Variants in AKAP9 observed in about 807,000 individuals in gnomAD.
AKAP9 encodes A-kinase anchoring protein 9.
Under a neutral mutation model 488.5 loss-of-function variants are expected in AKAP9, and 311 were observed. That is an observed-to-expected ratio of 0.64 (90% confidence interval 0.58 to 0.70). The LOEUF (loss-of-function observed/expected upper bound fraction) is 0.70, where lower values mean the gene tolerates loss of function less well. Ranked by LOEUF, AKAP9 falls within the 30% of genes least tolerant of loss-of-function variation. AKAP9 has a pLI of 0.00. For synonymous variants in AKAP9, 1,462 were observed against 1,483.5 expected (o/e 0.99, Z 0.33); for missense variants, 4,215 against 4,374.5 (o/e 0.96, Z 1.03).
At chr7:91,950,530 T>C (rs892617670) in intron 1 of AKAP9, among the ~76,000 whole-genome samples, 1 of 152,154 alleles carries the variant, frequency 6.6e-6, no homozygotes, top group Admixed American at 6.5e-5. Flanking sequence ...ACGTCCAGGC[T>C]AGGGTCTCAC....
At chr7:91,987,451 G>A (rs1797245625) in intron 3 of AKAP9, among the ~76,000 whole-genome samples, 1 of 151,874 alleles carries the variant, frequency 6.6e-6, no homozygotes, top group Non-Finnish European at 1.5e-5. Flanking sequence ...AGATAATTAT[G>A]AAATAATTTT....
chr7:92,093,082 T>C lies in AKAP9; in HGVS notation c.9359-15T>C, dbSNP rs767690192. Reference sequence around the variant, plus strand: ...TGCTTGATTATGTTTCAAATATTAATCATGTTCTGTGTAGAACTCTTGGAA... The same window carrying C: ...TGCTTGATTATGTTTCAAATATTAACCATGTTCTGTGTAGAACTCTTGGAA... On this transcript the variant is annotated splice_polypyrimidine_tract_variant and intron_variant, in intron 38 of 49. Transcript: ENST00000356239. The C allele has an allele frequency of 1.3e-6, 2 of 1,598,988 alleles. No individual in the cohort carries two copies. Among genetic ancestry groups the C allele is most frequent in the African/African-American group, 1.3e-5 (1 of 74,554 alleles).
chr7:92,065,597 A>G lies in AKAP9; in HGVS notation c.6210+134A>G, dbSNP rs1810644939. ...TGTTTTATTAGGTGTCGAATCTACT[A>G]ATCGATCAAAAAGTACTATTCCAAT... On this transcript the variant is annotated intron_variant, in intron 25 of 49. Coordinates refer to ENST00000356239, the MANE Select transcript of AKAP9 (RefSeq NM_005751.5). 4.7e-6 allele frequency: 3 copies of G among 639,498 alleles called. No individual in the cohort carries two copies. The East Asian group carries it at 8.4e-5, about 18-fold the overall frequency. The allele number at this position is 639,498 out of a possible 1,614,324, so 39.6% of individuals were successfully genotyped here.
chr7:92,002,983 A>G lies in AKAP9; in HGVS notation c.3066A>G (p.Gly1022=), dbSNP rs372748115. The stretch of plus-strand genomic sequence containing the variant: ...CTCAAGTAAGCTCTTTATTAGATGG[A>G]GTTGTGACCATGACAAGCAGGGGTG... ...CDTQVSSLLD[G]VVTMTSRGAE... The change falls in exon 8 of 50, where the codon GGA becomes GGG. Residue 1022 remains glycine (G), a synonymous_variant. Coordinates refer to ENST00000356239, the MANE Select transcript of AKAP9 (RefSeq NM_005751.5). The G allele has an allele frequency of 5.0e-5, 80 of 1,613,368 alleles. No individual in the cohort carries two copies. The highest frequency in any genetic ancestry group is 6.4e-5 in the Non-Finnish European group (76 of 1,179,622).
intron 38 of AKAP9, chr7:92,091,849 C>G (rs1815694534): frequency 6.6e-6 from 1 of 151,702 alleles, no homozygotes; most frequent in Admixed American, 6.6e-5. Context: ...TTTTTAGAAG[C>G]CTAAATTAAA....
At chr7:92,103,731 A>T (rs1035819880) in intron 46 of AKAP9, among the ~76,000 whole-genome samples, 2 of 152,054 alleles carry the variant, frequency 1.3e-5, no homozygotes, top group African/African-American at 4.8e-5. Context: ...CCCATGAACA[A>T]GCTCACACAT....
intron 38 of AKAP9, among the ~76,000 whole-genome samples, chr7:92,091,273 T>G (rs751547298): frequency 5.3e-5 from 8 of 152,106 alleles, no homozygotes; most frequent in Non-Finnish European, 8.8e-5. Flanking sequence ...AGTCACAGCA[T>G]GGTCTCACAT....
chr7:92,024,755 C>T (rs978876175), intron 14 of AKAP9, among the ~76,000 whole-genome samples: 4 of 152,092 alleles, frequency 2.6e-5, no homozygotes, highest in East Asian at 1.9e-4. Flanking sequence ...TATTGTAGCG[C>T]GGATGTCTTC....
At chr7:92,103,452 T>C (rs1018117046) in intron 46 of AKAP9, among the ~76,000 whole-genome samples, 1 of 149,432 alleles carries the variant, frequency 6.7e-6, no homozygotes, top group Non-Finnish European at 1.5e-5. Flanking sequence ...TCCCAGCACT[T>C]TGGGAGGCTG....
In AKAP9 at chr7:92,042,737, G is replaced by A. The variant is rs1806321579; in HGVS notation, c.5128G>A (p.Glu1710Lys). Residue 1710 changes from glutamate to lysine, a missense_variant, in exon 20 of 50, where the codon GAA (glutamate) becomes AAA (lysine). Coordinates refer to ENST00000356239, the MANE Select transcript of AKAP9 (RefSeq NM_005751.5). ...FKEKELDRKP[E>K]DVPPEILSNE... ...AGAAAAGGAATTAGACAGAAAACCT[G>A]AAGATGTGCCTCCTGAGATTTTGTC... 1.2e-6 allele frequency: 2 copies of A among 1,611,704 alleles called. No individual in the cohort carries two copies. Among genetic ancestry groups the A allele is most frequent in the Admixed American group, 1.7e-5 (1 of 59,952 alleles).
chr7:92,038,923 T>C, intron 17 of AKAP9, 151 bp downstream of exon 17: 1 of 661,084 alleles, frequency 1.5e-6, no homozygotes, highest in Non-Finnish European at 2.5e-6. Flanking sequence ...TGTTTTGTTT[T>C]TGAGGCTGAG....
At chr7:92,054,285 C>T (rs1808419123) in intron 22 of AKAP9, among the ~76,000 whole-genome samples, 1 of 151,984 alleles carries the variant, frequency 6.6e-6, no homozygotes, top group African/African-American at 2.4e-5. Context: ...ACTTATATTC[C>T]ACTTTCCTCT....
chr7:91,950,887 T>C (rs1792159091), intron 1 of AKAP9, among the ~76,000 whole-genome samples: 2 of 152,232 alleles, frequency 1.3e-5, no homozygotes, highest in Admixed American at 6.5e-5. Context: ...TCTATTCATA[T>C]ACAACTTAAA....
chr7:92,084,644 C>T lies in AKAP9; in HGVS notation c.8651C>T (p.Ser2884Phe). ...CTTTTTGTTTTCTCTAATTAGGGAT[C>T]CTCAATTCCTGAGCTAGCACATTCT... ...VIQCLRSKEG[S>F]SIPELAHSDA... is the part of the protein sequence containing the mutation. The change falls in exon 34 of 50, where the codon TCC (serine) becomes TTC (phenylalanine). Residue 2884 changes from serine (S) to phenylalanine (F), a missense_variant. Physicochemically the swap from Ser to Phe is radical, Grantham distance 155 (BLOSUM62 -2). Transcript: ENST00000356239. The T allele has an allele frequency of 6.2e-7, 1 of 1,606,460 alleles. No homozygotes were observed. Among genetic ancestry groups the T allele is most frequent in the Non-Finnish European group, 8.5e-7 (1 of 1,173,960 alleles).
intron 12 of AKAP9, among the ~76,000 whole-genome samples, chr7:92,021,862 G>A (rs114342101): frequency 0.018 from 2,671 of 152,246 alleles, 77 homozygotes; most frequent in African/African-American, 0.061. Flanking sequence ...TAAACAAGCT[G>A]TATTAATCAA....
At position 92,089,460 on chromosome 7, in the gene AKAP9, C is replaced by G; in HGVS notation, c.9289C>G (p.Leu3097Val). ...GAGTTTGTTATCTGAAATTCAGGCA[C>G]TGCATGCACAAATGAATGGTAGGAA... ...RRSLLSEIQA[L>V]HAQMNGRKIT... is the part of the protein sequence containing the mutation. Residue 3097 changes from leucine to valine, a missense_variant, in exon 38 of 50, where the codon CTG becomes GTG. By Grantham distance (32) the Leu-to-Val change is conservative. Coordinates refer to ENST00000356239, the MANE Select transcript of AKAP9 (RefSeq NM_005751.5). The G allele has an allele frequency of 6.2e-7, 1 of 1,613,018 alleles. No individual in the cohort carries two copies.
chr7:92,064,902 T>C (rs1395677730), intron 24 of AKAP9, among the ~76,000 whole-genome samples: 3 of 152,184 alleles, frequency 2.0e-5, no homozygotes, highest in Non-Finnish European at 2.9e-5. Flanking sequence ...TTGAATTTAA[T>C]TGGACTTTGT....
chr7:92,091,116 G>A (rs1815480655), intron 38 of AKAP9, among the ~76,000 whole-genome samples: 1 of 152,128 alleles, frequency 6.6e-6, no homozygotes, highest in Non-Finnish European at 1.5e-5. Flanking sequence ...ACAGTATCTG[G>A]TCTTTTAAAT....
chr7:92,096,614 G>T (rs1450344843), intron 40 of AKAP9, 75 bp from the exon 41 acceptor site: 2 of 1,573,030 alleles, frequency 1.3e-6, no homozygotes, highest in African/African-American at 2.7e-5. Context: ...TGGGATTACA[G>T]GCGTGAGCCA....
Sources: gnomAD v4.1 joint callset for allele counts (sites outside exome capture counted in the v4.1 genomes callset) on GRCh38, gnomAD v4.1.1 for gene constraint, MANE v1.5 for transcripts, NCBI Gene and HGNC (gene_info 2026-07-23, HGNC 2026-07-21) for gene names.